The following COX11 variants were observed in gnomAD, a reference collection of about 807,000 sequenced individuals.
The protein encoded by COX11 is cytochrome c oxidase copper chaperone COX11.
In COX11, 18 loss-of-function variants were observed where a neutral mutation model predicts 29.4. That is an observed-to-expected ratio of 0.61 (90% CI 0.42 to 0.91). The LOEUF is 0.91. Among genes scored for constraint, COX11 ranks in the 40% least tolerant of loss-of-function variants. The probability of loss-of-function intolerance (pLI) is 0.00; values close to 1 mark genes in which losing one functional copy is unlikely to be tolerated. For synonymous variants in COX11, 131 were observed against 124.0 expected, an observed-to-expected ratio of 1.06 and a Z score of -0.38; for missense variants, 312 against 346.0, an observed-to-expected ratio of 0.90 and a Z score of 0.78.
At chr17:54,968,671 G>T (rs1007073687), upstream of COX11, 4 of 1,589,038 alleles carry the variant, frequency 2.5e-6, no homozygotes, top group African/African-American at 4.0e-5. Context: ...ACACCCACCC[G>T]CCTCTCAGGG....
rs1598098871 is a variant in COX11 at position 54,960,629 on chromosome 17, TAA to T, written c.*2102_*2103del. ...GAGCTCAAAATGATGGTGACTGAGG[TAA>T]AGACTTCAACTTATACAACTTAATT... On this transcript the variant is annotated 3_prime_UTR_variant, in exon 4 of 4. Coordinates refer to ENST00000299335, the MANE Select transcript of COX11 (RefSeq NM_004375.5). 1 of 1,602,958 alleles carries T rather than the reference TAA, an allele frequency of 6.2e-7. No individual in the cohort carries two copies. Among genetic ancestry groups the T allele is most frequent in the South Asian group, 1.1e-5 (1 of 90,806 alleles).
chr17:54,967,154 C>T (rs1429389614), intron 1 of COX11, among the ~76,000 whole-genome samples: 1 of 152,166 alleles, frequency 6.6e-6, no homozygotes, highest in Non-Finnish European at 1.5e-5. Context: ...GCTGGAATCA[C>T]CTAAAACATA....
rs774925637 is a variant in COX11 at position 54,961,665 on chromosome 17, C to T, written c.*1068G>A. ...ATTATTCAGGAAGAATACTGAGTGC[C>T]TTCATTTAACTAAAGTTGAATGTAA... On this transcript the variant is annotated 3_prime_UTR_variant, in exon 4 of 4. Transcript: ENST00000299335. 1.4e-4 allele frequency: 144 copies of T among 1,057,894 alleles called. No homozygotes were observed. The highest frequency in any genetic ancestry group is 1.3e-4 in the Non-Finnish European group (116 of 876,134). The allele number at this position is 1,057,894 out of a possible 1,614,324, so 65.5% of individuals were successfully genotyped here.
exon 1 of COX11, chr17:54,955,059 T>C (rs554729360): frequency 6.6e-6 from 1 of 152,188 alleles, no homozygotes; most frequent in East Asian, 1.9e-4. Flanking sequence ...CAAGACCTAG[T>C]TCACGACATT....
chr17:54,967,166 T>A (rs1325070766), intron 1 of COX11, among the ~76,000 whole-genome samples: 1 of 152,138 alleles, frequency 6.6e-6, no homozygotes, highest in African/African-American at 2.4e-5. Context: ...TAAAACATAC[T>A]TGACAATTAC....
In COX11 at chr17:54,960,429, C is replaced by A; in HGVS notation, c.*2304G>T. On this transcript the variant is annotated 3_prime_UTR_variant, in exon 4 of 4. Coordinates refer to ENST00000299335, the MANE Select transcript of COX11 (RefSeq NM_004375.5). ...ATAAACTAGAATACACACTTCAGGG[C>A]AGAGACTTATTTTTACTCATATGTA... 1.5e-6 allele frequency: 1 copy of A among 658,060 alleles called. No individual in the cohort carries two copies. Among genetic ancestry groups the A allele is most frequent in the South Asian group, 1.8e-5 (1 of 55,072 alleles). The allele number at this position is 658,060 out of a possible 1,614,324, so 40.8% of individuals were successfully genotyped here.
intron 1 of COX11, among the ~76,000 whole-genome samples, chr17:54,967,457 G>T (rs1438241233): frequency 1.3e-5 from 2 of 152,132 alleles, no homozygotes; most frequent in Non-Finnish European, 2.9e-5. Flanking sequence ...CAAATTATTA[G>T]CTAAGAACAA....
downstream of COX11, among the ~76,000 whole-genome samples, chr17:54,956,301 T>C (rs541818214): frequency 2.6e-5 from 4 of 152,138 alleles, no homozygotes; most frequent in African/African-American, 9.6e-5. Context: ...TGTGCTACCA[T>C]GCCTGGCTAA....
chr17:54,964,946 T>C (rs1278288807), intron 1 of COX11, 94 bp from the exon 2 acceptor site: 1 of 1,278,998 alleles, frequency 7.8e-7, no homozygotes, highest in African/African-American at 1.5e-5. Context: ...GTATTTATAA[T>C]CCATTTGGAG....
At chr17:54,967,038 G>GCACACA (rs1465499844) in intron 1 of COX11, among the ~76,000 whole-genome samples, 5 of 100,214 alleles carry the variant, frequency 5.0e-5, no homozygotes, top group Middle Eastern at 0.012. Flanking sequence ...ACGTGCGCGC[G>GCACACA]CGCGCACACA....
rs1361810561 is a variant in COX11 at position 54,968,631 on chromosome 17, G to T, written c.16C>A (p.Arg6Ser). The change falls in exon 1 of 4, where the codon CGT becomes AGT. Residue 6 changes from arginine (R) to serine (S), a missense_variant. Around this residue, in one of 2 missense-constraint regions of COX11, gnomAD observed 130 missense variants for 106.0 expected, o/e 1.23. Transcript: ENST00000299335. MGGLW[R>S]PGWRCVPFCG... ...AAAGGAACGCACCTCCATCCAGGAC[G>T]CCAGAGCCCTCCCATAACCCTCTGA... is the stretch of plus-strand genomic sequence containing the variant. 4 of 1,612,298 alleles carry T rather than the reference G, an allele frequency of 2.5e-6. No homozygotes were observed. The highest frequency in any genetic ancestry group is 3.4e-6 in the Non-Finnish European group (4 of 1,179,936).
chr17:54,965,835 GA>G (rs58420034), intron 1 of COX11, among the ~76,000 whole-genome samples: 18 of 143,488 alleles, frequency 1.3e-4, no homozygotes, highest in East Asian at 4.3e-4. Flanking sequence ...CATCTCAAAA[GA>G]AAAAAAAAAA....
downstream of COX11, among the ~76,000 whole-genome samples, chr17:54,960,291 G>C (rs1304764520): frequency 6.6e-6 from 1 of 152,134 alleles, no homozygotes; most frequent in Non-Finnish European, 1.5e-5. Context: ...CTTGAACCTG[G>C]GAGGCAGAGG....
At chr17:54,965,735 G>A (rs1204654346) in intron 1 of COX11, among the ~76,000 whole-genome samples, 1 of 151,964 alleles carries the variant, frequency 6.6e-6, no homozygotes, top group Non-Finnish European at 1.5e-5. Flanking sequence ...GGAGGCTGAG[G>A]CAGAAGAATT....
rs1228951133 is a variant in COX11, at chr17:54,962,824, G to C, written c.740C>G (p.Pro247Arg). ...GATAAGATCAACTTTAATCATTCTT[G>C]GATCTTCAGCAAATTCAGGATCAAT... The part of the protein sequence containing the change: ...FYIDPEFAED[P>R]RMIKVDLITL... The change falls in exon 4 of 4, where the codon CCA becomes CGA. Residue 247 changes from proline to arginine, a missense_variant. This residue lies in a region of COX11 where 182 missense variants were observed against 240.0 expected (regional missense o/e 0.76). Transcript: ENST00000299335. 1 of 1,612,902 alleles carries C rather than the reference G, an allele frequency of 6.2e-7. No homozygotes were observed. The highest frequency in any genetic ancestry group is 1.7e-5 in the Admixed American group (1 of 59,968).
chr17:54,959,888 A>C (rs1027155693), downstream of COX11, among the ~76,000 whole-genome samples: 2 of 151,570 alleles, frequency 1.3e-5, no homozygotes, highest in Admixed American at 1.3e-4. Flanking sequence ...GAGTGCTGGG[A>C]TTATAGGTGT....
chr17:54,960,284 G>T (rs1443630207), downstream of COX11, among the ~76,000 whole-genome samples: 1 of 152,176 alleles, frequency 6.6e-6, no homozygotes, highest in African/African-American at 2.4e-5. Flanking sequence ...AGAATCACTT[G>T]AACCTGGGAG....
At chr17:54,959,410 C>G (rs531272509), downstream of COX11, 4 of 151,906 alleles carry the variant, frequency 2.6e-5, no homozygotes, top group Admixed American at 1.3e-4. Context: ...CCTGGGAGGT[C>G]GAAGCTGCAA....
At chr17:54,964,978 G>T in intron 1 of COX11, 126 bp from the exon 2 acceptor site, 1 of 815,410 alleles carries the variant, frequency 1.2e-6, no homozygotes, top group South Asian at 1.8e-5. Context: ...TATGGTAACT[G>T]ACCATTGCTG....
Sources: allele counts gnomAD v4.1 joint callset (sites outside exome capture counted in the v4.1 genomes callset), GRCh38; gene constraint gnomAD v4.1.1; regional missense constraint gnomAD v4.1.1; transcripts MANE v1.5; gene names NCBI Gene and HGNC (gene_info 2026-07-23, HGNC 2026-07-21).